DLG2: variants seen among roughly 807,000 people sequenced by gnomAD.
DLG2 encodes disks large homolog 2.
DLG2 carries 45 observed loss-of-function variants against 132.5 expected under a neutral mutation model. The ratio of observed to expected loss-of-function variants is 0.34; its 90% CI spans 0.27 to 0.44. The LOEUF (loss-of-function observed/expected upper bound fraction) is 0.44, where lower values mean the gene tolerates loss of function less well. DLG2 is among the 20% of genes least tolerant of loss of function. The probability of loss-of-function intolerance (pLI) is 1.00; values close to 1 mark genes in which losing one functional copy is unlikely to be tolerated. For synonymous variants in DLG2, 424 were observed against 419.6 expected (o/e 1.01, Z -0.13); for missense variants, 1,045 against 1,196.9 (o/e 0.87, Z 1.87).
At chr11:84,377,796 A>T (rs1467375451) in intron 7 of DLG2, among the ~76,000 whole-genome samples, 3 of 152,206 alleles carry the variant, frequency 2.0e-5, no homozygotes, top group Non-Finnish European at 4.4e-5. Context: ...TTGAACAGAA[A>T]GTATGGGAAA....
At chr11:83,611,258 T>C (rs1291540468) in intron 19 of DLG2, among the ~76,000 whole-genome samples, 1 of 152,046 alleles carries the variant, frequency 6.6e-6, no homozygotes, top group Non-Finnish European at 1.5e-5. Flanking sequence ...AAAGGAAATA[T>C]GTTTAATGCA....
chr11:84,415,845 T>C (rs1041733589), intron 7 of DLG2, among the ~76,000 whole-genome samples: 2 of 152,202 alleles, frequency 1.3e-5, no homozygotes, highest in African/African-American at 4.8e-5. Context: ...TAATAGTACC[T>C]ACTTCATATA....
intron 17 of DLG2, among the ~76,000 whole-genome samples, chr11:83,822,673 C>T (rs944831913): frequency 6.6e-6 from 1 of 152,182 alleles, no homozygotes; most frequent in Admixed American, 6.5e-5. Context: ...TGGTGACAGC[C>T]CAGCACCCTT....
chr11:84,090,492 C>T (rs139095002), intron 10 of DLG2, among the ~76,000 whole-genome samples: 75 of 150,004 alleles, frequency 5.0e-4, no homozygotes, highest in African/African-American at 1.4e-3. Context: ...ACACAAATGA[C>T]GAGTAACATT....
chr11:85,085,965 G>C (rs905803562), intron 6 of DLG2, among the ~76,000 whole-genome samples: 8 of 152,078 alleles, frequency 5.3e-5, no homozygotes, highest in African/African-American at 1.9e-4. Context: ...AAGTGGTTAG[G>C]TTGTAATTAA....
intron 4 of DLG2, among the ~76,000 whole-genome samples, chr11:85,247,909 C>T (rs2076216115): frequency 6.6e-6 from 1 of 152,080 alleles, no homozygotes; most frequent in South Asian, 2.1e-4. Context: ...TTGCTTTGGT[C>T]CCCTTCCAAA....
intron 3 of DLG2, among the ~76,000 whole-genome samples, chr11:85,344,323 C>A (rs2082689663): frequency 6.6e-6 from 1 of 152,108 alleles, no homozygotes; most frequent in Admixed American, 6.5e-5. Flanking sequence ...TCTCAGGTGA[C>A]TCATAGAGAT....
intron 7 of DLG2, among the ~76,000 whole-genome samples, chr11:84,418,298 A>C (rs1387333855): frequency 6.6e-6 from 1 of 152,224 alleles, no homozygotes; most frequent in Non-Finnish European, 1.5e-5. Flanking sequence ...CTATGAACAC[A>C]TAGGGGCTGA....
intron 6 of DLG2, among the ~76,000 whole-genome samples, chr11:85,096,366 G>C (rs190375261): frequency 1.3e-5 from 2 of 152,190 alleles, no homozygotes; most frequent in Admixed American, 1.3e-4. Context: ...CTTCATTCCT[G>C]AAGTTAGCAA....
chr11:85,232,570 C>A (rs1040527940), intron 4 of DLG2, among the ~76,000 whole-genome samples: 2 of 151,858 alleles, frequency 1.3e-5, no homozygotes, highest in Non-Finnish European at 2.9e-5. Context: ...ATGAGTATGT[C>A]ATCTGGACAA....
chr11:84,954,084 G>T lies in DLG2; in HGVS notation c.357+157577C>A, dbSNP rs183881022. 5.3e-5 allele frequency among the ~76,000 whole-genome samples: 8 copies of T among 151,962 alleles called. No individual in the cohort carries two copies. In the East Asian group the frequency reaches 1.6e-3, roughly 29 times the overall value. ...GCTCTTCCCCTCACTATTAGGATTGGGATTTATGTCAGTCTTGGTCACGGT... is the reference window on the plus strand; with the variant it reads ...GCTCTTCCCCTCACTATTAGGATTGTGATTTATGTCAGTCTTGGTCACGGT... On this transcript the variant is annotated intron_variant, in intron 6 of 27. Transcript: ENST00000376104.
At chr11:83,663,457 T>C (rs1199183463) in intron 18 of DLG2, among the ~76,000 whole-genome samples, 1 of 152,196 alleles carries the variant, frequency 6.6e-6, no homozygotes, top group Non-Finnish European at 1.5e-5. Context: ...AGGACATTCA[T>C]TCCCAAGACA....
rs545983641 is a variant in DLG2 at position 85,626,625 on chromosome 11, T to A, written c.-131A>T. 1.1e-3 allele frequency: 166 copies of A among 152,264 alleles called. No individual in the cohort carries two copies. Among genetic ancestry groups the A allele is most frequent in the African/African-American group, 3.9e-3 (160 of 41,542 alleles). The allele number at this position is 152,264 out of a possible 1,614,324, so 9.4% of individuals were successfully genotyped here. A position where few individuals can be genotyped will look rare whatever the true frequency, so the allele number is the denominator to read the frequency against. On this transcript the variant is annotated 5_prime_UTR_variant, in exon 2 of 28. Coordinates refer to ENST00000376104, the MANE Select transcript of DLG2 (RefSeq NM_001142699.3). ...TGTCTTCTTGACTGGCATTCTTGGG[T>A]CTTTCCACTGCCACAGGAGTCAATA...
chr11:83,795,324 C>T (rs914895350), intron 17 of DLG2, among the ~76,000 whole-genome samples: 3 of 151,988 alleles, frequency 2.0e-5, no homozygotes, highest in African/African-American at 4.8e-5. Flanking sequence ...AGGAGAATGG[C>T]GTGAACATGG....
chr11:84,255,681 G>C (rs779678538), intron 7 of DLG2, among the ~76,000 whole-genome samples: 1 of 151,996 alleles, frequency 6.6e-6, no homozygotes, highest in Non-Finnish European at 1.5e-5. Flanking sequence ...AATCAAACTG[G>C]TGACTCAGCA....
intron 9 of DLG2, among the ~76,000 whole-genome samples, chr11:84,159,210 ACT>A (rs1196319995): frequency 6.6e-6 from 1 of 152,210 alleles, no homozygotes; most frequent in East Asian, 1.9e-4. Flanking sequence ...TATATAAATC[ACT>A]TTATATTTAT....
intron 6 of DLG2, among the ~76,000 whole-genome samples, chr11:84,578,548 C>T (rs1035001297): frequency 6.6e-6 from 1 of 152,152 alleles, no homozygotes; most frequent in African/African-American, 2.4e-5. Context: ...TGCATGGGCC[C>T]TGTAACCCCT....
At chr11:85,030,210 A>G (rs992569094) in intron 6 of DLG2, among the ~76,000 whole-genome samples, 2 of 152,220 alleles carry the variant, frequency 1.3e-5, no homozygotes, top group Non-Finnish European at 2.9e-5. Context: ...AGATGCACTC[A>G]TGGGTGACTC....
At chr11:84,433,871 C>T (rs2098992293) in intron 7 of DLG2, among the ~76,000 whole-genome samples, 1 of 152,088 alleles carries the variant, frequency 6.6e-6, no homozygotes, top group Admixed American at 6.5e-5. Context: ...AATCCCAGCA[C>T]TTTGGGAGGC....
Sources: gnomAD v4.1 joint callset for allele counts (sites outside exome capture counted in the v4.1 genomes callset) on GRCh38, gnomAD v4.1.1 for gene constraint, MANE v1.5 for transcripts, NCBI Gene and HGNC (gene_info 2026-07-23, HGNC 2026-07-21) for gene names.